The following PLOD1 variants were observed in gnomAD, a reference collection of about 807,000 sequenced individuals.
PLOD1 encodes the protein procollagen-lysine,2-oxoglutarate 5-dioxygenase 1.
In PLOD1, 70 loss-of-function variants were observed where a neutral mutation model predicts 94.7. That is an observed-to-expected ratio of 0.74 (90% CI 0.61 to 0.90). The LOEUF (loss-of-function observed/expected upper bound fraction) is 0.90, where lower values mean the gene tolerates loss of function less well. PLOD1 is among the 40% of genes least tolerant of loss of function. The probability of loss-of-function intolerance (pLI) is 0.00; values close to 1 mark genes in which losing one functional copy is unlikely to be tolerated. For missense variants in PLOD1, 905 were observed against 972.7 expected, an observed-to-expected ratio of 0.93 and a Z score of 0.93; for synonymous variants, 417 against 400.2, an observed-to-expected ratio of 1.04 and a Z score of -0.50.
chr1:11,961,857 C>T lies in PLOD1; in HGVS notation c.1097+1090C>T, dbSNP rs182449242. 5.9e-5 allele frequency among the ~76,000 whole-genome samples: 9 copies of T among 152,264 alleles called. No homozygotes were observed. In the East Asian group the frequency reaches 1.5e-3, roughly 26 times the overall value. ...AGGCTGGAGCGCAGTGGCGCGATCT[C>T]GGCTCACTGCAACCTCCCCGTCCCA... is the stretch of plus-strand genomic sequence containing the variant. On this transcript the variant is annotated intron_variant, in intron 10 of 18. Transcript: ENST00000196061.
chr1:11,954,356 C>A, intron 5 of PLOD1: 8 of 297,952 alleles, frequency 2.7e-5, no homozygotes, highest in South Asian at 8.4e-5. Context: ...TATGGTGGCA[C>A]ATGCCCGTAG....
intron 5 of PLOD1, chr1:11,954,364 T>G: frequency 5.9e-6 from 2 of 340,872 alleles, no homozygotes; most frequent in Non-Finnish European, 1.2e-5. Flanking sequence ...CACATGCCCG[T>G]AGTCCCAGCT....
chr1:11,967,193 C>A (rs1356458658), intron 16 of PLOD1, 102 bp downstream of exon 16: 4 of 774,624 alleles, frequency 5.2e-6, no homozygotes, highest in Non-Finnish European at 9.3e-6. Context: ...GCCACCCTTT[C>A]TGGGACTCTT....
chr1:11,934,758 G>T lies in PLOD1; in HGVS notation c.-22G>T. 6.6e-7 allele frequency: 1 copy of T among 1,523,924 alleles called. No individual in the cohort carries two copies. The allele number at this position is 1,523,924 out of a possible 1,614,324, so 94.4% of individuals were successfully genotyped here. On this transcript the variant is annotated 5_prime_UTR_variant, in exon 1 of 19. Coordinates refer to ENST00000196061, the MANE Select transcript of PLOD1 (RefSeq NM_000302.4). ...CCCTGCGAGCGCCGCCGGGTCGGCC[G>T]ATCGTCCCCCATACCTCGGCCATGC...
chr1:11,966,452 G>A (rs1296820436), intron 15 of PLOD1, 136 bp downstream of exon 15: 6 of 359,628 alleles, frequency 1.7e-5, no homozygotes, highest in Admixed American at 8.7e-5. Flanking sequence ...GTTGGGGGGC[G>A]GCAGGATGGG....
At chr1:11,950,600 G>C (rs1452452721) in intron 4 of PLOD1, 80 bp downstream of exon 4, 1 of 1,312,960 alleles carries the variant, frequency 7.6e-7, no homozygotes, top group Non-Finnish European at 1.1e-6. Flanking sequence ...CTTGTTTGAC[G>C]TGCAATCTGG....
At chr1:11,950,176 G>C (rs749935210) in intron 3 of PLOD1, among the ~76,000 whole-genome samples, 181 bp from the exon 4 acceptor site, 2 of 152,182 alleles carry the variant, frequency 1.3e-5, no homozygotes, top group Non-Finnish European at 2.9e-5. Flanking sequence ...CAGGGTGCGG[G>C]TGGGAACATG....
chr1:11,966,780 G>C (rs1268678776), intron 15 of PLOD1, among the ~76,000 whole-genome samples: 2 of 152,108 alleles, frequency 1.3e-5, no homozygotes, highest in African/African-American at 4.8e-5. Flanking sequence ...GTCTGACCTT[G>C]GCGCTGGTAG....
intron 1 of PLOD1, among the ~76,000 whole-genome samples, chr1:11,939,743 G>A (rs1027104325): frequency 6.6e-6 from 1 of 151,966 alleles, no homozygotes. Context: ...GAGTAGCTGG[G>A]ATTACAGGCG....
At chr1:11,960,250 G>A (rs932001852) in intron 9 of PLOD1, among the ~76,000 whole-genome samples, 1 of 152,226 alleles carries the variant, frequency 6.6e-6, no homozygotes, top group African/African-American at 2.4e-5. Context: ...GAATACAGGC[G>A]TGAGCCACTG....
chr1:11,973,384 T>A (rs1189395577), intron 18 of PLOD1, among the ~76,000 whole-genome samples: 1 of 151,758 alleles, frequency 6.6e-6, no homozygotes, highest in Non-Finnish European at 1.5e-5. Flanking sequence ...CCTGTAATCT[T>A]AGCTACCCAG....
chr1:11,966,204 A>G, intron 14 of PLOD1, 47 bp from the exon 15 acceptor site: 1 of 1,389,048 alleles, frequency 7.2e-7, no homozygotes. Flanking sequence ...CATCCCTGGC[A>G]GTTGAGCCAA....
At chr1:11,974,546 A>G in intron 18 of PLOD1, 107 bp from the exon 19 acceptor site, 1 of 1,090,790 alleles carries the variant, frequency 9.2e-7, no homozygotes, top group Non-Finnish European at 1.4e-6. Context: ...AGGCATCCCC[A>G]GGCAGGCAGT....
intron 1 of PLOD1, among the ~76,000 whole-genome samples, chr1:11,947,563 C>T (rs1645664908): frequency 6.6e-6 from 1 of 152,096 alleles, no homozygotes; most frequent in African/African-American, 2.4e-5. Context: ...GAGTGAGACT[C>T]TGTCTCAAAA....
chr1:11,964,693 A>C lies in PLOD1; in HGVS notation c.1378A>C (p.Ser460Arg). 1 of 1,613,490 alleles carries C rather than the reference A, an allele frequency of 6.2e-7. No homozygotes were observed. Among genetic ancestry groups the C allele is most frequent in the Non-Finnish European group, 8.5e-7 (1 of 1,179,910 alleles). Reference protein sequence around the residue: ...YISNIYLIKGSALRGELQSSD... With the variant: ...YISNIYLIKGRALRGELQSSD... Reference sequence around the variant, plus strand: ...TTCAAACATCTACTTGATCAAGGGCAGTGCCCTGCGGGGTGAGCTGCAGTC... The same window carrying C: ...TTCAAACATCTACTTGATCAAGGGCCGTGCCCTGCGGGGTGAGCTGCAGTC... Residue 460 changes from serine to arginine, a missense_variant, in exon 13 of 19, where the codon AGT becomes CGT. Transcript: ENST00000196061.
At chr1:11,955,434 C>T (rs1645731603) in intron 6 of PLOD1, among the ~76,000 whole-genome samples, 1 of 150,696 alleles carries the variant, frequency 6.6e-6, no homozygotes, top group East Asian at 2.0e-4. Flanking sequence ...GTTTTCTTAT[C>T]TTTACAAAAG....
Position 11,967,616 on chromosome 1 carries a change from A to ATATATATATATATATAT in PLOD1, c.1755+525_1755+526insTATATATATATATATAT, listed in dbSNP as rs35226154. Among the ~76,000 whole-genome samples, 291 of 74,824 alleles carry ATATATATATATATATAT rather than the reference A, an allele frequency of 3.9e-3. 17 individuals are homozygous for ATATATATATATATATAT. The highest frequency in any genetic ancestry group is 6.2e-3 in the Middle Eastern group (1 of 162). 49.1% of individuals were successfully genotyped at this position (74,824 alleles called of 152,430 possible). On this transcript the variant is annotated intron_variant, in intron 16 of 18. Transcript: ENST00000196061. ...GTGTGTGTATATATATATATATATAAAAAGAAATATATATAGATTTTATTT... is the reference window on the plus strand; with the variant it reads ...GTGTGTGTATATATATATATATATAATATATATATATATATATAAAGAAATATATATAGATTTTATTT...
In PLOD1 at chr1:11,966,303, A is replaced by T; in HGVS notation, c.1637A>T (p.Lys546Met). ...HQNYTKALAG[K>M]LVETPCPDVY... is the part of the protein sequence containing the mutation. ...AACTACACCAAAGCCCTGGCAGGGA[A>T]GCTGGTGGAGACGGTAAGGGCCATG... Residue 546 changes from lysine to methionine, a missense_variant, in exon 15 of 19, where the codon AAG (lysine) becomes ATG (methionine). Physicochemically the swap from Lys to Met is moderately conservative, Grantham distance 95. Coordinates refer to ENST00000196061, the MANE Select transcript of PLOD1 (RefSeq NM_000302.4). The T allele has an allele frequency of 6.2e-7, 1 of 1,606,172 alleles. No homozygotes were observed. Among genetic ancestry groups the T allele is most frequent in the Non-Finnish European group, 8.5e-7 (1 of 1,176,114 alleles).
chr1:11,938,706 G>C (rs1645596268), intron 1 of PLOD1, among the ~76,000 whole-genome samples: 1 of 152,070 alleles, frequency 6.6e-6, no homozygotes, highest in Admixed American at 6.5e-5. Context: ...GAGTCTCGGG[G>C]AGTGAGATGG....
Sources: gnomAD v4.1 joint callset for allele counts (sites outside exome capture counted in the v4.1 genomes callset) on GRCh38, gnomAD v4.1.1 for gene constraint, MANE v1.5 for transcripts, NCBI Gene and HGNC (gene_info 2026-07-23, HGNC 2026-07-21) for gene names.